ALOX5: variants seen among roughly 807,000 people sequenced by gnomAD.
The protein encoded by ALOX5 is arachidonate 5-lipoxygenase.
Under a neutral mutation model 87.9 loss-of-function variants are expected in ALOX5, and 64 were observed. The ratio of observed to expected loss-of-function variants is 0.73; its 90% CI spans 0.60 to 0.90. The LOEUF (loss-of-function observed/expected upper bound fraction) is 0.90. Ranked by LOEUF, ALOX5 falls within the 40% of genes least tolerant of loss-of-function variation. The probability of loss-of-function intolerance (pLI) is 0.00; values close to 1 mark genes in which losing one functional copy is unlikely to be tolerated. For missense variants in ALOX5, 822 were observed against 907.5 expected, an observed-to-expected ratio of 0.91 and a Z score of 1.21; for synonymous variants, 388 against 355.1, an observed-to-expected ratio of 1.09 and a Z score of -1.04.
chr10:45,405,521 A>C (rs1015650439), intron 3 of ALOX5, among the ~76,000 whole-genome samples: 1 of 152,282 alleles, frequency 6.6e-6, no homozygotes, highest in East Asian at 1.9e-4. Context: ...TTTGTTACAT[A>C]TGTATAGCAT....
intron 2 of ALOX5, among the ~76,000 whole-genome samples, chr10:45,391,173 G>T (rs1331747081): frequency 1.3e-5 from 2 of 148,328 alleles, no homozygotes; most frequent in South Asian, 2.2e-4. Context: ...CTGCCATCTC[G>T]GCTCACTGCA....
Position 45,428,726 on chromosome 10 carries a change from AAG to A in ALOX5, c.945_946del (p.Asn316ProfsTer19). 3.1e-6 allele frequency: 5 copies of A among 1,614,016 alleles called. No homozygotes were observed. The highest frequency in any genetic ancestry group is 4.2e-6 in the Non-Finnish European group (5 of 1,180,022). ...FLAAPICLLY[K>X]NLANKIVPIA... ...GGCCGCTCCCATCTGCTTGCTGTAT[AAG>A]AACCTGGCCAACAAGATTGTCCCCA... is the stretch of plus-strand genomic sequence containing the variant. On this transcript the variant is annotated frameshift_variant, in exon 7 of 14. Coordinates refer to ENST00000374391, the MANE Select transcript of ALOX5 (RefSeq NM_000698.5). LOFTEE classifies it high-confidence loss of function.
intron 1 of ALOX5, among the ~76,000 whole-genome samples, chr10:45,376,230 C>T (rs1839605093): frequency 6.6e-6 from 1 of 150,996 alleles, no homozygotes; most frequent in Admixed American, 6.7e-5. Context: ...ATTCAAATGA[C>T]ATTATAATTA....
At position 45,443,447 on chromosome 10, in the gene ALOX5, G is replaced by T; in HGVS notation, c.1483G>T (p.Glu495Ter). 1 of 1,611,074 alleles carries T rather than the reference G, an allele frequency of 6.2e-7. No individual in the cohort carries two copies. Among genetic ancestry groups the T allele is most frequent in the Non-Finnish European group, 8.5e-7 (1 of 1,178,802 alleles). ...GGCCGAGGTGGTAGACATCTACTACGAGGGCGACCAGGTGGTGGAGGAGGA... is the reference window on the plus strand; with the variant it reads ...GGCCGAGGTGGTAGACATCTACTACTAGGGCGACCAGGTGGTGGAGGAGGA... Reference protein sequence around the residue: ...FTAEVVDIYYEGDQVVEEDPE... With the variant: ...FTAEVVDIYY Residue 495 changes from glutamate (E) to a stop codon, truncating the protein, a stop_gained, in exon 11 of 14, where the codon GAG becomes TAG. Transcript: ENST00000374391. LOFTEE classifies it high-confidence loss of function.
Position 45,443,810 on chromosome 10 carries a change from C to A in ALOX5, c.1656C>A (p.Ala552=), listed in dbSNP as rs149908407. The change falls in exon 12 of 14, where the codon GCC becomes GCA. Residue 552 remains alanine (A), a synonymous_variant. Coordinates refer to ENST00000374391, the MANE Select transcript of ALOX5 (RefSeq NM_000698.5). ...TCTTCACCGCCTCCGCCCAGCACGC[C>A]GCGGTCAACTTCGGCCAGGTAGGCA... is the stretch of plus-strand genomic sequence containing the variant. ...VVIFTASAQH[A]AVNFGQYDWC... 1.9e-6 allele frequency: 3 copies of A among 1,608,702 alleles called. No homozygotes were observed. Among genetic ancestry groups the A allele is most frequent in the Non-Finnish European group, 2.5e-6 (3 of 1,178,056 alleles).
At chr10:45,376,032 A>G (rs1229506266) in intron 1 of ALOX5, among the ~76,000 whole-genome samples, 2 of 152,120 alleles carry the variant, frequency 1.3e-5, no homozygotes, top group Non-Finnish European at 2.9e-5. Context: ...TCCTCCACAC[A>G]TCATAAGGTT....
chr10:45,430,761 G>A (rs1428094549), intron 7 of ALOX5, among the ~76,000 whole-genome samples: 4 of 152,052 alleles, frequency 2.6e-5, no homozygotes, highest in African/African-American at 9.7e-5. Flanking sequence ...GTAGAAAATA[G>A]GCCAATTTCC....
At chr10:45,427,600 G>C (rs1345411115) in intron 6 of ALOX5, among the ~76,000 whole-genome samples, 1 of 152,210 alleles carries the variant, frequency 6.6e-6, no homozygotes, top group Non-Finnish European at 1.5e-5. Flanking sequence ...GGGGCGCTCT[G>C]GGATGTCTCC....
At chr10:45,440,675 G>A in intron 8 of ALOX5, 42 bp downstream of exon 8, 2 of 1,598,168 alleles carry the variant, frequency 1.3e-6, no homozygotes, top group Middle Eastern at 1.8e-4. Flanking sequence ...GAGGGCATCT[G>A]AGATGTGGAG....
At position 45,425,941 on chromosome 10, in the gene ALOX5, G is replaced by T. The variant is rs748480464; in HGVS notation, c.834+809G>T. On this transcript the variant is annotated intron_variant, in intron 6 of 13. Transcript: ENST00000374391. The surrounding 1 kb of genome is among the most constrained non-coding windows in gnomAD (Gnocchi z 4.4). ...GATAAACCTACAGCCCCAGTACCTG[G>T]CCCACCTGAATCTAGAGGGCCACCC... is the stretch of plus-strand genomic sequence containing the variant. Among the ~76,000 whole-genome samples the T allele has an allele frequency of 4.6e-5, 7 of 152,136 alleles. No individual in the cohort carries two copies. Among genetic ancestry groups the T allele is most frequent in the African/African-American group, 9.7e-5 (4 of 41,418 alleles).
chr10:45,400,269 A>G (rs1043541726), intron 3 of ALOX5, among the ~76,000 whole-genome samples: 3 of 152,338 alleles, frequency 2.0e-5, no homozygotes, highest in Non-Finnish European at 2.9e-5. Flanking sequence ...TAAACAAAAT[A>G]TAGTTTATCC....
rs117377631 is a variant in ALOX5 at position 45,399,496 on chromosome 10, A to G, written c.431+3560A>G. On this transcript the variant is annotated intron_variant, in intron 3 of 13. Transcript: ENST00000374391. ...CTAGATAAATTTAAAAATTAATTCA[A>G]AATGGATGATAGATCTAAAAGTAAG... Among the ~76,000 whole-genome samples the G allele has an allele frequency of 6.5e-3, 987 of 152,366 alleles. 35 individuals carry two copies. The highest frequency in any genetic ancestry group is 0.052 in the Admixed American group (795 of 15,308).
chr10:45,386,662 A>G, intron 2 of ALOX5, among the ~76,000 whole-genome samples: 1 of 152,188 alleles, frequency 6.6e-6, no homozygotes, highest in South Asian at 2.1e-4. Flanking sequence ...ATTATATTTT[A>G]CAAAAATATA....
At chr10:45,427,203 C>A in intron 6 of ALOX5, among the ~76,000 whole-genome samples, 1 of 152,238 alleles carries the variant, frequency 6.6e-6, no homozygotes, top group East Asian at 1.9e-4. Flanking sequence ...ATCACCTTCA[C>A]CAGCCTGGGT....
At chr10:45,381,994 T>C (rs533599445) in intron 1 of ALOX5, among the ~76,000 whole-genome samples, 2 of 152,380 alleles carry the variant, frequency 1.3e-5, no homozygotes, top group Admixed American at 1.3e-4. Context: ...GGCGAAAGCC[T>C]ACAGATTTCT....
intron 7 of ALOX5, among the ~76,000 whole-genome samples, chr10:45,433,120 A>G (rs1333678618): frequency 6.6e-6 from 1 of 152,262 alleles, no homozygotes; most frequent in Non-Finnish European, 1.5e-5. Context: ...CATTTCTGAC[A>G]TGCCTGGTTG....
intron 2 of ALOX5, among the ~76,000 whole-genome samples, chr10:45,394,789 G>A (rs1410050534): frequency 1.3e-5 from 2 of 152,100 alleles, no homozygotes; most frequent in East Asian, 1.9e-4. Context: ...TCAAAAAGTG[G>A]GCGAAGGATA....
intron 4 of ALOX5, among the ~76,000 whole-genome samples, chr10:45,422,509 G>A (rs1841537885): frequency 6.6e-6 from 1 of 152,218 alleles, no homozygotes; most frequent in Admixed American, 6.5e-5. Context: ...TGCACCAGGT[G>A]AGGTCACCTC....
Position 45,382,494 on chromosome 10 carries a change from C to T in ALOX5, c.162C>T (p.Tyr54=), listed in dbSNP as rs764154625. The T allele has an allele frequency of 2.2e-5, 36 of 1,614,076 alleles. No homozygotes were observed. Among genetic ancestry groups the T allele is most frequent in the Admixed American group, 1.0e-4 (6 of 60,002 alleles). The change falls in exon 2 of 14, where the codon TAC becomes TAT. Residue 54 remains tyrosine, a synonymous_variant. Coordinates refer to ENST00000374391, the MANE Select transcript of ALOX5 (RefSeq NM_000698.5). ...GTTCTCCTTCCCAGGTGGATTCATA[C>T]GACGTGACTGTGGACGAGGAACTGG... is the stretch of plus-strand genomic sequence containing the variant. ...NDFERGAVDS[Y]DVTVDEELGE...
Sources: gnomAD v4.1 joint callset for allele counts (sites outside exome capture counted in the v4.1 genomes callset) on GRCh38, gnomAD v4.1.1 for gene constraint, Gnocchi (gnomAD v3.1) non-coding constraint, MANE v1.5 for transcripts, NCBI Gene and HGNC (gene_info 2026-07-23, HGNC 2026-07-21) for gene names.